The following LARP7 variants were observed in gnomAD, a reference collection of about 807,000 sequenced individuals.
LARP7 encodes the protein La ribonucleoprotein 7, transcriptional regulator, also known as la-related protein 7.
In LARP7, 52 loss-of-function variants were observed where a neutral mutation model predicts 69.3. The ratio of observed to expected loss-of-function variants is 0.75; its 90% CI spans 0.60 to 0.95. The LOEUF is 0.95. LARP7 is among the 40% of genes least tolerant of loss of function. The pLI is 0.00. For missense variants in LARP7, 733 were observed against 673.0 expected (o/e 1.09, Z -0.99); for synonymous variants, 254 against 215.9 (o/e 1.18, Z -1.55).
chr4:112,650,527 G>A lies in LARP7; in HGVS notation c.1361G>A (p.Gly454Glu). 1 of 1,613,778 alleles carries A rather than the reference G, an allele frequency of 6.2e-7. No homozygotes were observed. Among genetic ancestry groups the A allele is most frequent in the African/African-American group, 1.3e-5 (1 of 75,028 alleles). ...VNATGPQFVS[G>E]VIVKIISTEP... ...GCAACAGGACCACAGTTCGTGAGTG[G>A]AGTGATTGTGAAGATCATTAGCACA... Residue 454 changes from glycine (G) to glutamate (E), a missense_variant, in exon 10 of 13, where the codon GGA becomes GAA. By Grantham distance (98) the Gly-to-Glu change is moderately conservative. Transcript: ENST00000344442.
Position 112,646,505 on chromosome 4 carries a change from T to G in LARP7, c.303+54T>G, listed in dbSNP as rs1387519809. On this transcript the variant is annotated intron_variant, in intron 3 of 12. Transcript: ENST00000344442. ...ATTTATAGTTTATAATTATAAAGAA[T>G]GTTAACGTAATGATTATTATATGAT... The G allele has an allele frequency of 6.2e-6, 8 of 1,284,624 alleles. No homozygotes were observed. The Admixed American group carries it at 1.7e-4, about 27-fold the overall frequency. The allele number at this position is 1,284,624 out of a possible 1,614,324, so 79.6% of individuals were successfully genotyped here. A position where few individuals can be genotyped will look rare whatever the true frequency, so the allele number is the denominator to read the frequency against.
Position 112,648,277 on chromosome 4 carries a change from A to T in LARP7, c.1142+443A>T, listed in dbSNP as rs373885472. The T allele has an allele frequency of 4.2e-4, 224 of 528,412 alleles. 2 individuals carry two copies. The highest frequency in any genetic ancestry group is 3.9e-3 in the African/African-American group (201 of 51,794). The allele number at this position is 528,412 out of a possible 1,614,324, so 32.7% of individuals were successfully genotyped here. A position where few individuals can be genotyped will look rare whatever the true frequency, so the allele number is the denominator to read the frequency against. On this transcript the variant is annotated intron_variant, in intron 8 of 12. Transcript: ENST00000344442. ...GGAGCCCAGTCTTGGAAAAAGTTAG[A>T]ATCCTTTAACCTGTAACAAGCTTAG...
chr4:112,647,489 A>G lies in LARP7; in HGVS notation c.937A>G (p.Lys313Glu). 1 of 1,613,706 alleles carries G rather than the reference A, an allele frequency of 6.2e-7. No individual in the cohort carries two copies. The highest frequency in any genetic ancestry group is 8.5e-7 in the Non-Finnish European group (1 of 1,179,808). Residue 313 changes from lysine to glutamate, a missense_variant, in exon 7 of 13, where the codon AAG (lysine) becomes GAG (glutamate). Lys to Glu is a moderately conservative substitution (Grantham distance 56). Coordinates refer to ENST00000344442, the MANE Select transcript of LARP7 (RefSeq NM_016648.4). Reference protein sequence around the residue: ...AESLAPRSKVKKIIQKDIIKE... With the variant: ...AESLAPRSKVEKIIQKDIIKE... ...ATCCCTAGCTCCCCGATCAAAAGTA[A>G]AGAAAATTATTCAGAAAGACATCAT...
intron 9 of LARP7, among the ~76,000 whole-genome samples, chr4:112,650,217 G>C (rs1209731276): frequency 6.6e-6 from 1 of 151,916 alleles, no homozygotes; most frequent in Non-Finnish European, 1.5e-5. Flanking sequence ...AAATTTAAAG[G>C]CTTTACGAAT....
At chr4:112,654,212 G>A (rs1303335724) in intron 12 of LARP7, 53 bp downstream of exon 12, 2 of 1,263,610 alleles carry the variant, frequency 1.6e-6, no homozygotes, top group Non-Finnish European at 1.2e-6. Flanking sequence ...AACGTTTAAT[G>A]CCAAAGTCAG....
In LARP7 at chr4:112,648,266, GAA is replaced by G. The variant is rs751041937; in HGVS notation, c.1142+436_1142+437del. The G allele has an allele frequency of 1.1e-5, 6 of 528,482 alleles. No homozygotes were observed. The East Asian group carries it at 2.7e-4, about 24-fold the overall frequency. The allele number at this position is 528,482 out of a possible 1,614,324, so 32.7% of individuals were successfully genotyped here. ...TTAAGTGGTGGGGAGCCCAGTCTTG[GAA>G]AAAGTTAGAATCCTTTAACCTGTAA... On this transcript the variant is annotated intron_variant, in intron 8 of 12. Transcript: ENST00000344442.
intron 12 of LARP7, 147 bp downstream of exon 12, chr4:112,654,306 G>A: frequency 5.7e-5 from 28 of 491,200 alleles, no homozygotes; most frequent in South Asian, 1.9e-4. Context: ...AGGTTGGGAG[G>A]GAAAAGTCAT....
chr4:112,645,532 G>T (rs998955245), intron 2 of LARP7: 3 of 456,090 alleles, frequency 6.6e-6, no homozygotes, highest in Middle Eastern at 3.3e-4. Flanking sequence ...TTGAGGCAAG[G>T]TCTATCTTTT....
At position 112,650,502 on chromosome 4, in the gene LARP7, G is replaced by A. The variant is rs550955686; in HGVS notation, c.1336G>A (p.Ala446Thr). Reference protein sequence around the residue: ...EECRTQEKVNATGPQFVSGVI... With the variant: ...EECRTQEKVNTTGPQFVSGVI... ...GTGTCGCACCCAGGAGAAAGTTAAT[G>A]CAACAGGACCACAGTTCGTGAGTGG... Residue 446 changes from alanine (A) to threonine (T), a missense_variant, in exon 10 of 13, where the codon GCA (alanine) becomes ACA (threonine). Coordinates refer to ENST00000344442, the MANE Select transcript of LARP7 (RefSeq NM_016648.4). The A allele has an allele frequency of 1.0e-4, 162 of 1,613,744 alleles. 3 individuals carry two copies. In the South Asian group the frequency reaches 1.4e-3, roughly 14 times the overall value.
chr4:112,641,127 G>T (rs1013913949), intron 1 of LARP7, among the ~76,000 whole-genome samples: 4 of 152,114 alleles, frequency 2.6e-5, no homozygotes, highest in African/African-American at 7.2e-5. Context: ...TGAGCTGGGC[G>T]CGGTGGCTCA....
In LARP7 at chr4:112,657,375, T is replaced by G; in HGVS notation, c.*48T>G. Reference sequence around the variant, plus strand: ...AATACTTCACAAGATACTTGAGCTGTTCTTGGGAGATTCACTTTTATTATG... The same window carrying G: ...AATACTTCACAAGATACTTGAGCTGGTCTTGGGAGATTCACTTTTATTATG... On this transcript the variant is annotated 3_prime_UTR_variant, in exon 13 of 13. Coordinates refer to ENST00000344442, the MANE Select transcript of LARP7 (RefSeq NM_016648.4). 1 of 934,270 alleles carries G rather than the reference T, an allele frequency of 1.1e-6. No individual in the cohort carries two copies. Among genetic ancestry groups the G allele is most frequent in the Non-Finnish European group, 1.6e-6 (1 of 636,728 alleles). 57.9% of individuals were successfully genotyped at this position (934,270 alleles called of 1,614,324 possible).
chr4:112,654,643 G>A (rs2048885514), intron 12 of LARP7: 1 of 152,562 alleles, frequency 6.6e-6, no homozygotes, highest in Non-Finnish European at 1.5e-5. Context: ...ATAATTTAAA[G>A]CAAGCCCCTC....
intron 10 of LARP7, among the ~76,000 whole-genome samples, chr4:112,652,292 T>C (rs574144446): frequency 1.6e-5 from 2 of 122,710 alleles, no homozygotes; most frequent in Non-Finnish European, 3.2e-5. Context: ...TAAATAAGAT[T>C]TCCCCCCCCC....
rs368304759 is a variant in LARP7, at chr4:112,653,258, C to CTT, written c.1576+31_1576+32dup. Reference sequence around the variant, plus strand: ...TCTGGTAAAACTTCATAGACGTTTCCTTTTTTTTTTGTTATCATCCTTATT... The same window carrying CTT: ...TCTGGTAAAACTTCATAGACGTTTCCTTTTTTTTTTTTGTTATCATCCTTATT... On this transcript the variant is annotated intron_variant, in intron 11 of 12. Coordinates refer to ENST00000344442, the MANE Select transcript of LARP7 (RefSeq NM_016648.4). 81 of 1,344,806 alleles carry CTT rather than the reference C, an allele frequency of 6.0e-5. No individual in the cohort carries two copies. The East Asian group carries it at 8.2e-4, about 14-fold the overall frequency. The allele number at this position is 1,344,806 out of a possible 1,614,324, so 83.3% of individuals were successfully genotyped here.
intron 8 of LARP7, among the ~76,000 whole-genome samples, chr4:112,649,236 G>A (rs2048581198): frequency 6.6e-6 from 1 of 152,030 alleles, no homozygotes; most frequent in South Asian, 2.1e-4. Context: ...TTTAGTAAAT[G>A]TTACTAGTTA....
chr4:112,641,924 G>A (rs917689987), intron 1 of LARP7, among the ~76,000 whole-genome samples: 1 of 152,170 alleles, frequency 6.6e-6, no homozygotes, highest in African/African-American at 2.4e-5. Flanking sequence ...TTAAAGCCAG[G>A]ATCCTCAGAA....
rs750928970 is a variant in LARP7 at position 112,646,634 on chromosome 4, A to G, written c.350A>G (p.Glu117Gly). ...TRIRRKKPLG[E>G]RPKDEDERTV... Reference sequence around the variant, plus strand: ...ATCCGGAGGAAAAAACCTCTGGGGGAAAGACCAAAGGATGAGGATGAACGC... The same window carrying G: ...ATCCGGAGGAAAAAACCTCTGGGGGGAAGACCAAAGGATGAGGATGAACGC... Residue 117 changes from glutamate to glycine, a missense_variant, in exon 4 of 13, where the codon GAA (glutamate) becomes GGA (glycine). Transcript: ENST00000344442. 6.2e-7 allele frequency: 1 copy of G among 1,605,030 alleles called. No individual in the cohort carries two copies. The highest frequency in any genetic ancestry group is 8.5e-7 in the Non-Finnish European group (1 of 1,175,232).
At chr4:112,645,680 G>A (rs1316011789) in intron 2 of LARP7, 4 of 438,820 alleles carry the variant, frequency 9.1e-6, no homozygotes, top group Admixed American at 2.6e-5. Flanking sequence ...TCACCAGGCC[G>A]GCTTTTTTTT....
chr4:112,642,283 T>C (rs1387976686), intron 1 of LARP7, among the ~76,000 whole-genome samples: 2 of 152,198 alleles, frequency 1.3e-5, no homozygotes, highest in Non-Finnish European at 2.9e-5. Context: ...TGACACCTCA[T>C]TGTTTTTCTA....
Sources: gnomAD v4.1 joint callset for allele counts (sites outside exome capture counted in the v4.1 genomes callset) on GRCh38, gnomAD v4.1.1 for gene constraint, MANE v1.5 for transcripts, NCBI Gene and HGNC (gene_info 2026-07-23, HGNC 2026-07-21) for gene names.